GABRA2: variants seen among roughly 807,000 people sequenced by gnomAD.
The protein encoded by GABRA2 is gamma-aminobutyric acid type A receptor subunit alpha2.
GABRA2 carries 16 observed loss-of-function variants against 48.7 expected under a neutral mutation model. That is an observed-to-expected ratio of 0.33 (90% CI 0.22 to 0.50). GABRA2 has a LOEUF of 0.50. Among genes scored for constraint, GABRA2 ranks in the 20% least tolerant of loss-of-function variants. The pLI is 0.98. For missense variants in GABRA2, 275 were observed against 535.6 expected (o/e 0.51, Z 4.80); for synonymous variants, 185 against 184.5 (o/e 1.00, Z -0.02).
rs33925896 is a variant in GABRA2, at chr4:46,374,836, C to CA, written c.187+11237dup. Among the ~76,000 whole-genome samples the CA allele has an allele frequency of 4.2e-3, 629 of 150,732 alleles. 8 individuals carry two copies. The highest frequency in any genetic ancestry group is 5.5e-3 in the Non-Finnish European group (371 of 67,568). Reference sequence around the variant, plus strand: ...CTAAGAATACTGATATGCTTCTATACAAAAAAAAATGGCATCACACATATC... The same window carrying CA: ...CTAAGAATACTGATATGCTTCTATACAAAAAAAAAATGGCATCACACATATC... On this transcript the variant is annotated intron_variant, in intron 3 of 9. Transcript: ENST00000381620.
chr4:46,385,097 AT>A (rs1305477450), intron 3 of GABRA2, among the ~76,000 whole-genome samples: 4 of 148,768 alleles, frequency 2.7e-5, no homozygotes, highest in African/African-American at 7.3e-5. Flanking sequence ...ATATATATAT[AT>A]ATATATATAT....
intron 4 of GABRA2, among the ~76,000 whole-genome samples, chr4:46,330,585 T>TAGAGAGAG (rs1284493121): frequency 8.9e-4 from 105 of 117,650 alleles, no homozygotes; most frequent in African/African-American, 2.7e-3. Context: ...TATATATATA[T>TAGAGAGAG]ATATATAGAG....
At chr4:46,265,837 A>T (rs552842499) in intron 8 of GABRA2, among the ~76,000 whole-genome samples, 1 of 152,006 alleles carries the variant, frequency 6.6e-6, no homozygotes. Context: ...CTCTTTAAGA[A>T]CAAGCTTTTG....
At chr4:46,351,992 T>A (rs1425708356) in intron 3 of GABRA2, among the ~76,000 whole-genome samples, 3 of 86,532 alleles carry the variant, frequency 3.5e-5, no homozygotes, top group African/African-American at 1.9e-4. Flanking sequence ...TTTTTACCTG[T>A]CCACTTACTT....
At chr4:46,381,992 T>C (rs1377907371) in intron 3 of GABRA2, among the ~76,000 whole-genome samples, 2 of 152,114 alleles carry the variant, frequency 1.3e-5, no homozygotes, top group Non-Finnish European at 2.9e-5. Context: ...TGGAAAGTCA[T>C]TCAAGAGATA....
At chr4:46,276,118 C>CA (rs796927610) in intron 8 of GABRA2, among the ~76,000 whole-genome samples, 6 of 151,722 alleles carry the variant, frequency 4.0e-5, no homozygotes, top group Non-Finnish European at 7.4e-5. Flanking sequence ...AAAACAAGAA[C>CA]AAAAAAACTA....
chr4:46,247,392 TAAG>T lies in GABRA2; in HGVS notation c.*2913_*2915del, dbSNP rs1341835037. Among the ~76,000 whole-genome samples the T allele has an allele frequency of 1.3e-5, 2 of 151,182 alleles. No individual in the cohort carries two copies. Among genetic ancestry groups the T allele is most frequent in the Non-Finnish European group, 3.0e-5 (2 of 67,450 alleles). On this transcript the variant is annotated 3_prime_UTR_variant, in exon 10 of 10. Coordinates refer to ENST00000381620, the MANE Select transcript of GABRA2 (RefSeq NM_000807.4). Reference sequence around the variant, plus strand: ...TATAGTCTTTAATTTCAAGTCATTATAAGAATGAGATGCACTTAAAATTTCAAC... The same window carrying T: ...TATAGTCTTTAATTTCAAGTCATTATAATGAGATGCACTTAAAATTTCAAC...
chr4:46,334,927 G>A (rs1044366807), intron 3 of GABRA2, among the ~76,000 whole-genome samples: 1 of 152,168 alleles, frequency 6.6e-6, no homozygotes, highest in Non-Finnish European at 1.5e-5. Flanking sequence ...CTAAGTCTGG[G>A]AAAGGTATTC....
chr4:46,368,961 G>T, intron 3 of GABRA2: 1 of 698,724 alleles, frequency 1.4e-6, no homozygotes, highest in South Asian at 1.5e-5. Context: ...CTTTGTTCTG[G>T]CTCTTGAAGG....
Position 46,245,037 on chromosome 4 carries a change from T to G in GABRA2, c.*5271A>C, listed in dbSNP as rs1560414594. Among the ~76,000 whole-genome samples, 1 of 151,404 alleles carries G rather than the reference T, an allele frequency of 6.6e-6. No individual in the cohort carries two copies. Among genetic ancestry groups the G allele is most frequent in the South Asian group, 2.1e-4 (1 of 4,822 alleles). ...TTGGTTTTTTTGTTGTTTTTTGTTT[T>G]TTTGTTTGTTTGTTTCGTTTACCTT... On this transcript the variant is annotated 3_prime_UTR_variant, in exon 10 of 10. Transcript: ENST00000381620.
chr4:46,385,076 AACATATATATATAT>A (rs1453844106), intron 3 of GABRA2, among the ~76,000 whole-genome samples: 1 of 79,928 alleles, frequency 1.3e-5, no homozygotes, highest in African/African-American at 4.8e-5. Context: ...ACAATTGCCT[AACATATATATATAT>A]ATATATATAT....
rs1553906974 is a variant in GABRA2, at chr4:46,291,776, C to CACATATAT, written c.856+11683_856+11684insATATATGT. On this transcript the variant is annotated intron_variant, in intron 8 of 9. Transcript: ENST00000381620. ...AGTTAATACTATTAATAAACACACACATATATATATATATACATATACATA... is the reference window on the plus strand; with the variant it reads ...AGTTAATACTATTAATAAACACACACACATATATATATATATATATATACATATACATA... 5.5e-3 allele frequency among the ~76,000 whole-genome samples: 792 copies of CACATATAT among 144,796 alleles called. 5 individuals are homozygous for CACATATAT. The highest frequency in any genetic ancestry group is 7.9e-3 in the Non-Finnish European group (523 of 66,470). The allele number at this position is 144,796 out of a possible 152,430, so 95.0% of individuals were successfully genotyped here.
intron 6 of GABRA2, among the ~76,000 whole-genome samples, chr4:46,308,391 G>T (rs1173345648): frequency 6.6e-6 from 1 of 152,142 alleles, no homozygotes; most frequent in Non-Finnish European, 1.5e-5. Flanking sequence ...TGGGGGTAGG[G>T]AAGAAGAGGG....
chr4:46,286,672 T>G (rs1722600677), intron 8 of GABRA2, among the ~76,000 whole-genome samples: 1 of 152,154 alleles, frequency 6.6e-6, no homozygotes, highest in Non-Finnish European at 1.5e-5. Context: ...CACACTGTGG[T>G]TTTTGTTTGT....
rs1412555091 is a variant in GABRA2 at position 46,274,646 on chromosome 4, C to G, written c.857-12518G>C. The stretch of plus-strand genomic sequence containing the variant: ...TTTTGGGGGTTGTTGGAAGGAAAAC[C>G]TATAAGCATACGTGCCTTAAATACA... On this transcript the variant is annotated intron_variant, in intron 8 of 9. Transcript: ENST00000381620. 2.0e-5 allele frequency among the ~76,000 whole-genome samples: 3 copies of G among 152,036 alleles called. No individual in the cohort carries two copies. In the East Asian group the frequency reaches 5.8e-4, roughly 29 times the overall value.
At chr4:46,316,105 T>G (rs542391220) in intron 4 of GABRA2, among the ~76,000 whole-genome samples, 1 of 152,056 alleles carries the variant, frequency 6.6e-6, no homozygotes, top group South Asian at 2.1e-4. Context: ...TCATTTTTAC[T>G]GCTTTATAGT....
At chr4:46,314,899 C>G (rs1359770909) in intron 4 of GABRA2, among the ~76,000 whole-genome samples, 1 of 152,072 alleles carries the variant, frequency 6.6e-6, no homozygotes, top group Admixed American at 6.6e-5. Flanking sequence ...TGATGGGCAT[C>G]TAAATTAATT....
intron 8 of GABRA2, among the ~76,000 whole-genome samples, chr4:46,282,401 C>T (rs2109471927): frequency 6.6e-6 from 1 of 152,274 alleles, no homozygotes; most frequent in Non-Finnish European, 1.5e-5. Flanking sequence ...GTTTCTTGTG[C>T]ATACTTAGAC....
intron 3 of GABRA2, among the ~76,000 whole-genome samples, chr4:46,349,524 A>T (rs951478112): frequency 3.9e-5 from 6 of 151,984 alleles, no homozygotes; most frequent in Non-Finnish European, 8.8e-5. Context: ...TTTAGATGCT[A>T]AAAAACATAG....
Sources: gnomAD v4.1 joint callset for allele counts (sites outside exome capture counted in the v4.1 genomes callset) on GRCh38, gnomAD v4.1.1 for gene constraint, MANE v1.5 for transcripts, NCBI Gene and HGNC (gene_info 2026-07-23, HGNC 2026-07-21) for gene names.